Variants in TIMELESS observed in about 807,000 individuals in gnomAD.
The protein encoded by TIMELESS is protein timeless homolog.
A neutral mutation model predicts 164.3 loss-of-function variants in TIMELESS; 124 were observed. That is an observed-to-expected ratio of 0.75 (90% CI 0.65 to 0.88). The LOEUF (loss-of-function observed/expected upper bound fraction) is 0.88, where lower values mean the gene tolerates loss of function less well. TIMELESS is among the 40% of genes least tolerant of loss of function. TIMELESS has a pLI of 0.00. For missense variants in TIMELESS, 1,422 were observed against 1,491.4 expected, an observed-to-expected ratio of 0.95 and a Z score of 0.77; for synonymous variants, 564 against 563.4, an observed-to-expected ratio of 1.00 and a Z score of -0.02.
chr12:56,428,555 T>A lies in TIMELESS; in HGVS notation c.1402A>T (p.Ile468Phe), dbSNP rs1451028813. ...DEAVRESSRI[I>F]KNNIFYVMEY... ...GACCAGGCCAGGGCCTCACTCTTGA[T>A]GATGCGGCTGCTCTCCCTCACAGCC... The change falls in exon 12 of 29, where the codon ATC becomes TTC. Residue 468 changes from isoleucine to phenylalanine, a missense_variant. By Grantham distance (21) the Ile-to-Phe change is conservative. Coordinates refer to ENST00000553532, the MANE Select transcript of TIMELESS (RefSeq NM_003920.5). The A allele has an allele frequency of 1.9e-6, 3 of 1,613,966 alleles. No individual in the cohort carries two copies.
intron 7 of TIMELESS, among the ~76,000 whole-genome samples, 194 bp downstream of exon 7, chr12:56,432,175 T>C (rs900555625): frequency 1.4e-4 from 22 of 152,314 alleles, no homozygotes; most frequent in African/African-American, 5.3e-4. Flanking sequence ...TTTCAGACCA[T>C]GGTTGACTGT....
chr12:56,444,610 G>A (rs1347886071), intron 1 of TIMELESS, among the ~76,000 whole-genome samples: 1 of 150,980 alleles, frequency 6.6e-6, no homozygotes, highest in African/African-American at 2.4e-5. Flanking sequence ...GCAGTGGTGC[G>A]ATCTCGGCTC....
chr12:56,427,909 C>T (rs897545758), intron 13 of TIMELESS, among the ~76,000 whole-genome samples: 2 of 152,186 alleles, frequency 1.3e-5, no homozygotes, highest in African/African-American at 2.4e-5. Flanking sequence ...CACCACAATG[C>T]TTTCAAGGTA....
intron 11 of TIMELESS, 34 bp downstream of exon 11, chr12:56,428,849 A>G (rs755004503): frequency 1.2e-6 from 2 of 1,602,148 alleles, no homozygotes; most frequent in South Asian, 1.1e-5. Context: ...TCAGATCCCT[A>G]GCTCACTGTA....
intron 1 of TIMELESS, among the ~76,000 whole-genome samples, chr12:56,439,391 C>CTTTTT (rs67588306): frequency 7.3e-6 from 1 of 136,412 alleles, no homozygotes; most frequent in Non-Finnish European, 1.6e-5. Flanking sequence ...CAGGGGTTTT[C>CTTTTT]TTTTTTTTTT....
chr12:56,420,968 T>C lies in TIMELESS; in HGVS notation c.3035A>G (p.Gln1012Arg). ...CTCCCAGCCAAAGTCCTCACCTTCCTGATGCAGGCTTTGACCAAGGTTTTC... is the reference window on the plus strand; with the variant it reads ...CTCCCAGCCAAAGTCCTCACCTTCCCGATGCAGGCTTTGACCAAGGTTTTC... ...SNENLGQSLH[Q>R]EGFSIPLLWL... The change falls in exon 24 of 29, where the codon CAG (glutamine) becomes CGG (arginine). Residue 1012 changes from glutamine to arginine, a missense_variant. Gln to Arg is a conservative substitution (Grantham distance 43). Coordinates refer to ENST00000553532, the MANE Select transcript of TIMELESS (RefSeq NM_003920.5). The C allele has an allele frequency of 6.2e-7, 1 of 1,614,188 alleles. No individual in the cohort carries two copies. The highest frequency in any genetic ancestry group is 8.5e-7 in the Non-Finnish European group (1 of 1,180,030).
At position 56,433,411 on chromosome 12, in the gene TIMELESS, G is replaced by A. The variant is rs1424195831; in HGVS notation, c.399C>T (p.Leu133=). 6.2e-7 allele frequency: 1 copy of A among 1,614,172 alleles called. No individual in the cohort carries two copies. Among genetic ancestry groups the A allele is most frequent in the Admixed American group, 1.7e-5 (1 of 60,030 alleles). Residue 133 remains leucine, a synonymous_variant, in exon 5 of 29, where the codon CTC becomes CTT. Coordinates refer to ENST00000553532, the MANE Select transcript of TIMELESS (RefSeq NM_003920.5). ...GCAGCAGCTCATACAAGGTTTCACTGAGGACTCCAAAAGCCTTCTCACTGG... is the reference window on the plus strand; with the variant it reads ...GCAGCAGCTCATACAAGGTTTCACTAAGGACTCCAAAAGCCTTCTCACTGG... ...AFASEKAFGV[L]SETLYELLQL...
chr12:56,436,889 T>C (rs998446763), intron 1 of TIMELESS, among the ~76,000 whole-genome samples: 1 of 152,156 alleles, frequency 6.6e-6, no homozygotes, highest in Non-Finnish European at 1.5e-5. Flanking sequence ...TGCTGCATTC[T>C]CCAGTGCCTA....
At chr12:56,428,046 CA>C (rs1881731595) in intron 13 of TIMELESS, among the ~76,000 whole-genome samples, 189 bp downstream of exon 13, 1 of 152,192 alleles carries the variant, frequency 6.6e-6, no homozygotes, top group Non-Finnish European at 1.5e-5. Flanking sequence ...TATGGCAGAT[CA>C]GAGATTATTC....
chr12:56,429,965 C>T, intron 10 of TIMELESS, 140 bp downstream of exon 10: 1 of 735,588 alleles, frequency 1.4e-6, no homozygotes. Context: ...GACATCCTAA[C>T]TGTATATCCT....
At chr12:56,436,437 G>T (rs1361573138) in intron 1 of TIMELESS, among the ~76,000 whole-genome samples, 2 of 152,150 alleles carry the variant, frequency 1.3e-5, no homozygotes, top group African/African-American at 4.8e-5. Context: ...CTGGGCCACA[G>T]AGCAAGACTC....
intron 1 of TIMELESS, among the ~76,000 whole-genome samples, chr12:56,447,189 T>G (rs866809841): frequency 0.085 from 4,093 of 48,306 alleles, 216 homozygotes; most frequent in African/African-American, 0.29. Flanking sequence ...TTTGTTTTTT[T>G]TTTTTTTTTT....
chr12:56,433,579 G>A lies in TIMELESS; in HGVS notation c.325C>T (p.His109Tyr), dbSNP rs1371873803. The A allele has an allele frequency of 6.2e-7, 1 of 1,614,208 alleles. No individual in the cohort carries two copies. The highest frequency in any genetic ancestry group is 8.5e-7 in the Non-Finnish European group (1 of 1,180,032). Residue 109 changes from histidine to tyrosine, a missense_variant, in exon 4 of 29, where the codon CAT becomes TAT. Physicochemically the swap from His to Tyr is moderately conservative, Grantham distance 83. Coordinates refer to ENST00000553532, the MANE Select transcript of TIMELESS (RefSeq NM_003920.5). The stretch of plus-strand genomic sequence containing the variant: ...AAATAAGTTAGCACCTGCAAAAAAT[G>A]GTGCCGAAAGCTGGGCTCCTTAGGC... ...NLPKEPSFRH[H>Y]FLQVLTYLQA...
intron 1 of TIMELESS, among the ~76,000 whole-genome samples, chr12:56,438,510 G>A (rs529242685): frequency 6.7e-6 from 1 of 150,252 alleles, no homozygotes; most frequent in Non-Finnish European, 1.5e-5. Context: ...AGTGGCTCAC[G>A]CCTGAAATCC....
At chr12:56,428,214 A>G (rs774026) in intron 13 of TIMELESS, 22 bp downstream of exon 13, 701,919 of 1,558,304 alleles carry the variant, frequency 0.45, 163,925 homozygotes, top group East Asian at 0.68. Context: ...AGCTCTTTCT[A>G]CATTGTGGGG....
At position 56,428,474 on chromosome 12, in the gene TIMELESS, G is replaced by C. The variant is rs112415415; in HGVS notation, c.1409-69C>G. 802 of 1,606,960 alleles carry C rather than the reference G, an allele frequency of 5.0e-4. 1 individual carries two copies. The Middle Eastern group carries it at 5.3e-3, about 11-fold the overall frequency. ...AGCTTGAAAAGGAGAGATGGATGAA[G>C]CTGGGACTGGGAAGAATGAGATTCT... is the stretch of plus-strand genomic sequence containing the variant. On this transcript the variant is annotated intron_variant, in intron 12 of 28. Coordinates refer to ENST00000553532, the MANE Select transcript of TIMELESS (RefSeq NM_003920.5).
At position 56,422,981 on chromosome 12, in the gene TIMELESS, A is replaced by T. The variant is rs749512585; in HGVS notation, c.2304T>A (p.Thr768=). 1.3e-5 allele frequency: 21 copies of T among 1,613,774 alleles called. No homozygotes were observed. In the East Asian group the frequency reaches 4.7e-4, roughly 36 times the overall value. The change falls in exon 19 of 29, where the codon ACT becomes ACA. Residue 768 remains threonine (T), a synonymous_variant. Coordinates refer to ENST00000553532, the MANE Select transcript of TIMELESS (RefSeq NM_003920.5). ...PAAGAYKELV[T]FAKYILGKFF... ...ATTTGCCCAGGATGTATTTGGCAAAAGTCACTAGCTCCTGTAGGAGAAGGA... is the reference window on the plus strand; with the variant it reads ...ATTTGCCCAGGATGTATTTGGCAAATGTCACTAGCTCCTGTAGGAGAAGGA...
chr12:56,447,013 ATT>A (rs763253463), intron 1 of TIMELESS, among the ~76,000 whole-genome samples: 14 of 139,338 alleles, frequency 1.0e-4, no homozygotes, highest in Non-Finnish European at 6.3e-5. Flanking sequence ...AATTCTTTTT[ATT>A]TTTTTTTTTT....
Position 56,422,874 on chromosome 12 carries a change from G to C in TIMELESS, c.2411C>G (p.Thr804Ser). Residue 804 changes from threonine (T) to serine (S), a missense_variant, in exon 19 of 29, where the codon ACT becomes AGT. Coordinates refer to ENST00000553532, the MANE Select transcript of TIMELESS (RefSeq NM_003920.5). ...GTCATCCAGGGAGCCATAGCCCTCA[G>C]TCATCTCTCGAACCACAGCTGTGTT... ...WKNTAVVREM[T>S]EGYGSLDDRS... 3 of 1,521,178 alleles carry C rather than the reference G, an allele frequency of 2.0e-6. No individual in the cohort carries two copies. The highest frequency in any genetic ancestry group is 2.7e-6 in the Non-Finnish European group (3 of 1,122,152). 94.2% of individuals were successfully genotyped at this position (1,521,178 alleles called of 1,614,324 possible).
Sources: gnomAD v4.1 joint callset for allele counts (sites outside exome capture counted in the v4.1 genomes callset) on GRCh38, gnomAD v4.1.1 for gene constraint, MANE v1.5 for transcripts, NCBI Gene and HGNC (gene_info 2026-07-23, HGNC 2026-07-21) for gene names.